Variants in RTN3 observed in about 807,000 individuals in gnomAD.
RTN3 encodes the protein reticulon 3.
Under a neutral mutation model 77.8 loss-of-function variants are expected in RTN3, and 49 were observed. The observed-to-expected ratio is 0.63, with a 90% CI of 0.50 to 0.80. The LOEUF (loss-of-function observed/expected upper bound fraction) is 0.80. Among genes scored for constraint, RTN3 ranks in the 30% least tolerant of loss-of-function variants. The probability of loss-of-function intolerance (pLI) is 0.00; values close to 1 mark genes in which losing one functional copy is unlikely to be tolerated. For missense variants in RTN3, 1,236 were observed against 1,211.9 expected (o/e 1.02, Z -0.29); for synonymous variants, 464 against 446.9 (o/e 1.04, Z -0.48).
At chr11:63,701,779 C>A (rs1416506227) in intron 1 of RTN3, among the ~76,000 whole-genome samples, 1 of 151,784 alleles carries the variant, frequency 6.6e-6, no homozygotes, top group Non-Finnish European at 1.5e-5. Context: ...CACCTGTCTC[C>A]AGAAAAAAAT....
intron 3 of RTN3, among the ~76,000 whole-genome samples, chr11:63,736,981 T>C (rs912846750): frequency 3.3e-5 from 5 of 151,778 alleles, no homozygotes. Context: ...TCCTTTTTTT[T>C]TTTTTTTTCC....
At chr11:63,744,027 A>C (rs931623678) in intron 3 of RTN3, among the ~76,000 whole-genome samples, 8 of 151,968 alleles carry the variant, frequency 5.3e-5, no homozygotes, top group Non-Finnish European at 1.2e-4. Flanking sequence ...GCAGATCACG[A>C]GGTCAGGAGT....
At position 63,740,575 on chromosome 11, in the gene RTN3, G is replaced by A. The variant is rs377029539; in HGVS notation, c.2531-9416G>A. Among the ~76,000 whole-genome samples, 36 of 151,368 alleles carry A rather than the reference G, an allele frequency of 2.4e-4. No individual in the cohort carries two copies. In the East Asian group the frequency reaches 3.7e-3, roughly 15 times the overall value. ...GCCTCCTAAAGTGCTGGGATAACAG[G>A]CATGAGCCACCGCGCCTGGCCTTTT... On this transcript the variant is annotated intron_variant, in intron 3 of 8. Coordinates refer to ENST00000377819, the MANE Select transcript of RTN3 (RefSeq NM_001265589.2).
chr11:63,698,101 C>A (rs1406213103), intron 1 of RTN3, among the ~76,000 whole-genome samples: 1 of 151,672 alleles, frequency 6.6e-6, no homozygotes, highest in African/African-American at 2.4e-5. Flanking sequence ...GTCATCAATG[C>A]GAAATTAATT....
At chr11:63,754,925 CAAAA>C (rs373589429) in intron 7 of RTN3, among the ~76,000 whole-genome samples, 64 of 96,946 alleles carry the variant, frequency 6.6e-4, no homozygotes, top group African/African-American at 2.5e-3. Context: ...GACTCTGTCT[CAAAA>C]AAAAAAAAAA....
chr11:63,729,489 G>A (rs1276658512), intron 3 of RTN3, among the ~76,000 whole-genome samples: 4 of 134,346 alleles, frequency 3.0e-5, no homozygotes, highest in African/African-American at 1.2e-4. Context: ...TGGCTCTGTG[G>A]CTCTGTATCC....
chr11:63,718,633 C>A, intron 2 of RTN3, 69 bp from the exon 3 acceptor site: 3 of 1,154,356 alleles, frequency 2.6e-6, no homozygotes, highest in Non-Finnish European at 3.6e-6. Flanking sequence ...AAGCATGCTG[C>A]TTGGCTTGGC....
intron 1 of RTN3, among the ~76,000 whole-genome samples, chr11:63,685,024 T>C (rs2134605569): frequency 6.6e-6 from 1 of 152,126 alleles, no homozygotes; most frequent in South Asian, 2.1e-4. Flanking sequence ...CCTCCCAAGG[T>C]GTTGGGATTA....
At chr11:63,745,897 G>C (rs1238180317) in intron 3 of RTN3, among the ~76,000 whole-genome samples, 1 of 152,132 alleles carries the variant, frequency 6.6e-6, no homozygotes, top group African/African-American at 2.4e-5. Flanking sequence ...TGCCACCTCC[G>C]CCTCCCAGGT....
intron 3 of RTN3, among the ~76,000 whole-genome samples, chr11:63,734,777 A>C (rs995668603): frequency 3.4e-4 from 41 of 118,912 alleles, no homozygotes; most frequent in South Asian, 7.8e-4. Flanking sequence ...ACACACACAC[A>C]CACACCATAC....
At chr11:63,734,091 G>A (rs2012901244) in intron 3 of RTN3, among the ~76,000 whole-genome samples, 2 of 152,146 alleles carry the variant, frequency 1.3e-5, no homozygotes, top group Non-Finnish European at 2.9e-5. Context: ...AACAGCATCT[G>A]TTGAAAACTA....
intron 2 of RTN3, among the ~76,000 whole-genome samples, chr11:63,707,963 C>T (rs1429429742): frequency 6.6e-6 from 1 of 152,192 alleles, no homozygotes; most frequent in Non-Finnish European, 1.5e-5. Flanking sequence ...TGGGGCCCTA[C>T]GTCATTGGCA....
intron 1 of RTN3, among the ~76,000 whole-genome samples, chr11:63,696,875 TTC>T (rs1565304456): frequency 1.5e-5 from 1 of 67,050 alleles, no homozygotes; most frequent in Non-Finnish European, 2.7e-5. Context: ...CTTTCTTTCT[TTC>T]TTTCTTTTTT....
intron 2 of RTN3, among the ~76,000 whole-genome samples, chr11:63,706,923 G>C (rs1449710681): frequency 6.9e-6 from 1 of 144,502 alleles, no homozygotes; most frequent in Admixed American, 7.0e-5. Context: ...TTGAGATGGA[G>C]TCTTACTCTG....
intron 3 of RTN3, among the ~76,000 whole-genome samples, chr11:63,727,391 G>A (rs572073942): frequency 3.3e-5 from 5 of 152,296 alleles, no homozygotes; most frequent in African/African-American, 1.2e-4. Flanking sequence ...AGGATTTTAA[G>A]GGTTTTCATT....
Position 63,723,910 on chromosome 11 carries a change from C to G in RTN3, c.2530+2878C>G, listed in dbSNP as rs1441119530. On this transcript the variant is annotated intron_variant, in intron 3 of 8. Coordinates refer to ENST00000377819, the MANE Select transcript of RTN3 (RefSeq NM_001265589.2). ...TATTATGTAACAGCTTGTAATGAAG[C>G]CTTTATCATATTATAGTTGGTTGCT... Among the ~76,000 whole-genome samples the G allele has an allele frequency of 4.6e-5, 7 of 152,026 alleles. No individual in the cohort carries two copies. The South Asian group carries it at 6.2e-4, about 14-fold the overall frequency.
Position 63,718,674 on chromosome 11 carries a change from A to T in RTN3, c.200-28A>T, listed in dbSNP as rs748196342. 4 of 1,512,576 alleles carry T rather than the reference A, an allele frequency of 2.6e-6. No homozygotes were observed. The East Asian group carries it at 9.2e-5, about 35-fold the overall frequency. 93.7% of individuals were successfully genotyped at this position (1,512,576 alleles called of 1,614,324 possible). Reference sequence around the variant, plus strand: ...AATGTGTAATTGTACCTGGTAAACAATTTTTTTCTTTGAAATTCTGATCAT... The same window carrying T: ...AATGTGTAATTGTACCTGGTAAACATTTTTTTTCTTTGAAATTCTGATCAT... On this transcript the variant is annotated intron_variant, in intron 2 of 8. Transcript: ENST00000377819.
At chr11:63,724,392 C>T (rs1277102269) in intron 3 of RTN3, among the ~76,000 whole-genome samples, 4 of 149,084 alleles carry the variant, frequency 2.7e-5, no homozygotes, top group Non-Finnish European at 5.9e-5. Context: ...ACCATGTTAG[C>T]CAGGATGGCC....
intron 3 of RTN3, among the ~76,000 whole-genome samples, chr11:63,746,031 G>A (rs920585468): frequency 2.0e-5 from 3 of 152,108 alleles, no homozygotes; most frequent in African/African-American, 7.2e-5. Context: ...GGCTAGTTTC[G>A]AACTCCTAAC....
Sources: gnomAD v4.1 joint callset for allele counts (sites outside exome capture counted in the v4.1 genomes callset) on GRCh38, gnomAD v4.1.1 for gene constraint, MANE v1.5 for transcripts, NCBI Gene and HGNC (gene_info 2026-07-23, HGNC 2026-07-21) for gene names.